The following E2F8 variants were observed in gnomAD, a reference collection of about 807,000 sequenced individuals.
The protein encoded by E2F8 is transcription factor E2F8.
Under a neutral mutation model 80.8 loss-of-function variants are expected in E2F8, and 35 were observed. That is an observed-to-expected ratio of 0.43 (90% CI 0.33 to 0.57). The LOEUF (loss-of-function observed/expected upper bound fraction) is 0.57, where lower values mean the gene tolerates loss of function less well. Ranked by LOEUF, E2F8 falls within the 20% of genes least tolerant of loss-of-function variation. The probability of loss-of-function intolerance (pLI) is 0.04; values close to 1 mark genes in which losing one functional copy is unlikely to be tolerated. For synonymous variants in E2F8, 386 were observed against 395.0 expected (o/e 0.98, Z 0.27); for missense variants, 975 against 1,056.2 (o/e 0.92, Z 1.07).
In E2F8 at chr11:19,229,012, G is replaced by A. The variant is rs987175444; in HGVS notation, c.1893+442C>T. 6.6e-6 allele frequency among the ~76,000 whole-genome samples: 1 copy of A among 152,096 alleles called. No individual in the cohort carries two copies. The highest frequency in any genetic ancestry group is 2.4e-5 in the African/African-American group (1 of 41,402). On this transcript the variant is annotated intron_variant, in intron 10 of 12. Transcript: ENST00000250024. The surrounding 1 kb of genome is among the most constrained non-coding windows in gnomAD (Gnocchi z 4.3). Reference sequence around the variant, plus strand: ...TAAATTTTAGGTAGAAAGTAAAAACGGGGAGCAATTTATCTTCTAGGCAAC... The same window carrying A: ...TAAATTTTAGGTAGAAAGTAAAAACAGGGAGCAATTTATCTTCTAGGCAAC...
rs143634783 is a variant in E2F8 at position 19,225,650 on chromosome 11, C to T, written c.2027-35G>A. Reference sequence around the variant, plus strand: ...AAAGGGGGAAGATATCTTAAAAGCACAGGCATTTATCCAAGAAGTTGACAA... The same window carrying T: ...AAAGGGGGAAGATATCTTAAAAGCATAGGCATTTATCCAAGAAGTTGACAA... On this transcript the variant is annotated intron_variant, in intron 11 of 12. Coordinates refer to ENST00000250024, the MANE Select transcript of E2F8 (RefSeq NM_024680.4). 9.4e-5 allele frequency: 151 copies of T among 1,609,724 alleles called. No individual in the cohort carries two copies. In the East Asian group the frequency reaches 2.8e-3, roughly 30 times the overall value.
At chr11:19,231,013 C>T (rs558378465) in intron 7 of E2F8, among the ~76,000 whole-genome samples, 179 bp from the exon 8 acceptor site, 10 of 152,306 alleles carry the variant, frequency 6.6e-5, no homozygotes, top group African/African-American at 1.9e-4. Context: ...GATTCTGAGA[C>T]ACAATATTTC....
chr11:19,226,023 G>A (rs751303824), intron 10 of E2F8, 159 bp from the exon 11 acceptor site: 26 of 746,168 alleles, frequency 3.5e-5, no homozygotes, highest in Non-Finnish European at 5.0e-5. Context: ...GCTCCTAGAG[G>A]AGAATACCCT....
intron 2 of E2F8, 32 bp from the exon 3 acceptor site, chr11:19,238,164 T>A (rs565377968): frequency 1.3e-6 from 2 of 1,575,924 alleles, no homozygotes; most frequent in Non-Finnish European, 1.7e-6. Flanking sequence ...ATTAAATCCA[T>A]GGTAAAACAG....
chr11:19,225,859 C>T lies in E2F8; in HGVS notation c.1899G>A (p.Leu633=), dbSNP rs141252302. Residue 633 remains leucine (L), a synonymous_variant, in exon 11 of 13, where the codon TTG becomes TTA. Transcript: ENST00000250024. The part of the protein sequence containing the change: ...LKGLENVSAT[L]FPSGYLIPLT... ...GAGGGATTAGGTATCCTGATGGGAA[C>T]AAGGTCTAGAAAACAAGGAGGAAGG... is the stretch of plus-strand genomic sequence containing the variant. 3.5e-5 allele frequency: 56 copies of T among 1,613,424 alleles called. No individual in the cohort carries two copies. The African/African-American group carries it at 6.0e-4, about 17-fold the overall frequency.
chr11:19,225,691 G>A (rs947126967), intron 11 of E2F8, 41 bp downstream of exon 11: 14 of 1,612,150 alleles, frequency 8.7e-6, no homozygotes, highest in Admixed American at 3.3e-5. Context: ...AAGTGAACTT[G>A]AGACCGGCCC....
At chr11:19,227,726 A>G (rs1156886884) in intron 10 of E2F8, among the ~76,000 whole-genome samples, 1 of 152,114 alleles carries the variant, frequency 6.6e-6, no homozygotes, top group African/African-American at 2.4e-5. Flanking sequence ...CTCAGTAAAA[A>G]TTTGTTGAAT....
intron 2 of E2F8, among the ~76,000 whole-genome samples, chr11:19,239,834 C>T (rs2133583981): frequency 6.6e-6 from 1 of 150,818 alleles, no homozygotes; most frequent in African/African-American, 2.4e-5. Context: ...TCTTGAACAA[C>T]TGGAATTCAG....
chr11:19,230,321 A>G lies in E2F8; in HGVS notation c.1278T>C (p.Ser426=). ...SSPIKTNKAE[S]SQNSAPFPSK... is the part of the protein sequence containing the mutation. ...TTGGGAAGGGTGCAGAATTCTGAGAACTCTCAGCTGGTAAAATAGAAAGGA... is the reference window on the plus strand; with the variant it reads ...TTGGGAAGGGTGCAGAATTCTGAGAGCTCTCAGCTGGTAAAATAGAAAGGA... The change falls in exon 9 of 13, where the codon AGT becomes AGC. Residue 426 remains serine, a synonymous_variant. Coordinates refer to ENST00000250024, the MANE Select transcript of E2F8 (RefSeq NM_024680.4). 6.2e-7 allele frequency: 1 copy of G among 1,613,408 alleles called. No homozygotes were observed. The highest frequency in any genetic ancestry group is 1.1e-5 in the South Asian group (1 of 90,844).
intron 12 of E2F8, 127 bp from the exon 13 acceptor site, chr11:19,224,967 C>A (rs754074599): frequency 1.6e-6 from 2 of 1,251,456 alleles, no homozygotes; most frequent in Non-Finnish European, 2.2e-6. Flanking sequence ...TTGAAATTGG[C>A]GAGGGAAGCT....
rs1222361121 is a variant in E2F8 at position 19,224,461 on chromosome 11, A to T, written c.*197T>A. The T allele has an allele frequency of 3.2e-5, 15 of 469,038 alleles. No homozygotes were observed. The highest frequency in any genetic ancestry group is 7.2e-6 in the Non-Finnish European group (2 of 278,894). 29.1% of individuals were successfully genotyped at this position (469,038 alleles called of 1,614,324 possible). On this transcript the variant is annotated 3_prime_UTR_variant, in exon 13 of 13. Coordinates refer to ENST00000250024, the MANE Select transcript of E2F8 (RefSeq NM_024680.4). ...GATTGAAAGCTAAACTTAGCTTTATACAAATATATGTGTGTGTGTGTGTGT... is the reference window on the plus strand; with the variant it reads ...GATTGAAAGCTAAACTTAGCTTTATTCAAATATATGTGTGTGTGTGTGTGT...
chr11:19,234,710 C>A, intron 5 of E2F8, 34 bp downstream of exon 5: 1 of 1,580,814 alleles, frequency 6.3e-7, no homozygotes, highest in Non-Finnish European at 8.6e-7. Flanking sequence ...GGACAAATGC[C>A]ATGCCGCCTG....
At chr11:19,239,937 C>T (rs537900504) in intron 2 of E2F8, among the ~76,000 whole-genome samples, 170 bp downstream of exon 2, 1 of 151,452 alleles carries the variant, frequency 6.6e-6, no homozygotes, top group Admixed American at 6.6e-5. Flanking sequence ...ATATTTTAAA[C>T]TATATATTTT....
At chr11:19,237,606 A>C in intron 3 of E2F8, 136 bp from the exon 4 acceptor site, 1 of 1,089,508 alleles carries the variant, frequency 9.2e-7, no homozygotes, top group Non-Finnish European at 1.3e-6. Flanking sequence ...ATGGGAGAAA[A>C]GGTTAGGGGG....
rs756924869 is a variant in E2F8 at position 19,229,685 on chromosome 11, G to A, written c.1662C>T (p.Gly554=). 5.0e-6 allele frequency: 8 copies of A among 1,614,232 alleles called. No individual in the cohort carries two copies. The South Asian group carries it at 7.7e-5, about 16-fold the overall frequency. The part of the protein sequence containing the change: ...VCTTHSSKAT[G]SKDSTDATTE... ...TGGTGGCATCTGTGGAGTCTTTTGA[G>A]CCAGTAGCTTTAGAAGAGTGGGTGG... Residue 554 remains glycine (G), a synonymous_variant, in exon 10 of 13, where the codon GGC becomes GGT. Transcript: ENST00000250024. The surrounding 1 kb of genome is among the most constrained non-coding windows in gnomAD (Gnocchi z 4.3).
At position 19,225,598 on chromosome 11, in the gene E2F8, A is replaced by G. The variant is rs368807975; in HGVS notation, c.2044T>C (p.Ser682Pro). The change falls in exon 12 of 13, where the codon TCA becomes CCA. Residue 682 changes from serine (S) to proline (P), a missense_variant. Transcript: ENST00000250024. ...SPIAGVIPVT[S>P]SELTAVNFPS... ...AAATTAACAGCAGTGAGTTCAGATG[A>G]TGTCACTGGAATAACACCTGGAAGG... 2 of 1,613,760 alleles carry G rather than the reference A, an allele frequency of 1.2e-6. No individual in the cohort carries two copies. Among genetic ancestry groups the G allele is most frequent in the Non-Finnish European group, 8.5e-7 (1 of 1,179,630 alleles).
chr11:19,225,247 A>G lies in E2F8; in HGVS notation c.2395T>C (p.Ser799Pro), dbSNP rs758138765. Reference sequence around the variant, plus strand: ...TGTTGTGCCCCTGTCACAGCAACTGATTGTCCATTTGGCTGGCTCTGGCCT... The same window carrying G: ...TGTTGTGCCCCTGTCACAGCAACTGGTTGTCCATTTGGCTGGCTCTGGCCT... ...VPGQSQPNGQ[S>P]VAVTGAQQPV... Residue 799 changes from serine to proline, a missense_variant, in exon 12 of 13, where the codon TCA (serine) becomes CCA (proline). Coordinates refer to ENST00000250024, the MANE Select transcript of E2F8 (RefSeq NM_024680.4). The G allele has an allele frequency of 1.2e-6, 2 of 1,613,790 alleles. No homozygotes were observed. Among genetic ancestry groups the G allele is most frequent in the Admixed American group, 3.3e-5 (2 of 60,022 alleles).
At position 19,230,324 on chromosome 11, in the gene E2F8, C is replaced by G. The variant is rs1851344313; in HGVS notation, c.1275G>C (p.Glu425Asp). ...PSSPIKTNKA[E>D]SSQNSAPFPS... ...GGAAGGGTGCAGAATTCTGAGAACT[C>G]TCAGCTGGTAAAATAGAAAGGAAGA... is the stretch of plus-strand genomic sequence containing the variant. Residue 425 changes from glutamate to aspartate, a missense_variant, in exon 9 of 13, where the codon GAG becomes GAC. Coordinates refer to ENST00000250024, the MANE Select transcript of E2F8 (RefSeq NM_024680.4). The G allele has an allele frequency of 6.2e-7, 1 of 1,613,202 alleles. No homozygotes were observed. The highest frequency in any genetic ancestry group is 1.3e-5 in the African/African-American group (1 of 74,846).
chr11:19,234,446 G>A lies in E2F8; in HGVS notation c.842C>T (p.Thr281Met), dbSNP rs755274793. ...QKFVMLFLVSTPQIVSLEVAA... is the reference protein window; with the variant it reads ...QKFVMLFLVSMPQIVSLEVAA... ...AACTTCTAGGCTTACTATCTGAGGC[G>A]TTGACACCAAAAACAGCATCACAAA... Residue 281 changes from threonine to methionine, a missense_variant, in exon 6 of 13, where the codon ACG becomes ATG. Thr to Met is a moderately conservative substitution (Grantham distance 81). Transcript: ENST00000250024. 15 of 1,614,046 alleles carry A rather than the reference G, an allele frequency of 9.3e-6. No individual in the cohort carries two copies. The Admixed American group carries it at 1.2e-4, about 13-fold the overall frequency.
Sources: gnomAD v4.1 joint callset for allele counts (sites outside exome capture counted in the v4.1 genomes callset) on GRCh38, gnomAD v4.1.1 for gene constraint, Gnocchi (gnomAD v3.1) non-coding constraint, MANE v1.5 for transcripts, NCBI Gene and HGNC (gene_info 2026-07-23, HGNC 2026-07-21) for gene names.